Variants in ZFYVE26 observed in about 807,000 individuals in gnomAD.
The protein encoded by ZFYVE26 is zinc finger FYVE domain-containing protein 26.
Under a neutral mutation model 276.5 loss-of-function variants are expected in ZFYVE26, and 181 were observed. The observed-to-expected ratio is 0.65, with a 90% confidence interval of 0.58 to 0.74. ZFYVE26 has a LOEUF of 0.74. Ranked by LOEUF, ZFYVE26 falls within the 30% of genes least tolerant of loss-of-function variation. The pLI is 0.00. For missense variants in ZFYVE26, 2,821 were observed against 3,097.9 expected (o/e 0.91, Z 2.12); for synonymous variants, 1,129 against 1,203.1 (o/e 0.94, Z 1.27).
Position 67,809,238 on chromosome 14 carries a change from C to G in ZFYVE26, c.325G>C (p.Glu109Gln). 1 of 1,614,052 alleles carries G rather than the reference C, an allele frequency of 6.2e-7. No individual in the cohort carries two copies. Among genetic ancestry groups the G allele is most frequent in the South Asian group, 1.1e-5 (1 of 91,084 alleles). Residue 109 changes from glutamate (E) to glutamine (Q), a missense_variant, in exon 4 of 42, where the codon GAA (glutamate) becomes CAA (glutamine). Coordinates refer to ENST00000347230, the MANE Select transcript of ZFYVE26 (RefSeq NM_015346.4). ...TCTGGAATGTCACCTTGGAGGTCTTCTGACAATAAAAGAAACTCAAGCTTT... is the reference window on the plus strand; with the variant it reads ...TCTGGAATGTCACCTTGGAGGTCTTGTGACAATAAAAGAAACTCAAGCTTT... ...RRKLEFLLLS[E>Q]DLQGDIPENI...
chr14:67,729,300 G>A (rs1382935996), exon 14 of ZFYVE26: 1 of 1,602,526 alleles, frequency 6.2e-7, no homozygotes, highest in South Asian at 1.1e-5. Flanking sequence ...CCTTTGTCAA[G>A]ACGGCACGGG....
Position 67,783,330 on chromosome 14 carries a change from G to A in ZFYVE26, c.3822C>T (p.Ser1274=). ...CLDDLPLSTP[S]SPRTTENPTL... is the part of the protein sequence containing the mutation. The stretch of plus-strand genomic sequence containing the variant: ...TAGGGTTCTCAGTTGTCCTCGGGGA[G>A]CTCGGTGTAGAAAGTGGGAGGTCAT... Residue 1274 remains serine (S), a synonymous_variant, in exon 21 of 42, where the codon AGC becomes AGT. Transcript: ENST00000347230. 6.2e-7 allele frequency: 1 copy of A among 1,613,030 alleles called. No homozygotes were observed. Among genetic ancestry groups the A allele is most frequent in the Non-Finnish European group, 8.5e-7 (1 of 1,179,104 alleles).
In ZFYVE26 at chr14:67,804,128, G is replaced by T. The variant is rs368982781; in HGVS notation, c.1408C>A (p.Pro470Thr). 6.2e-7 allele frequency: 1 copy of T among 1,614,166 alleles called. No homozygotes were observed. Residue 470 changes from proline (P) to threonine (T), a missense_variant, in exon 9 of 42, where the codon CCA (proline) becomes ACA (threonine). By Grantham distance (38) the Pro-to-Thr change is conservative. Transcript: ENST00000347230. ...EDVLKLLQKV[P>T]AKDPQQEPDA... ...GGCTCTTGCTGGGGGTCCTTGGCTGGCACTTTCTGTAAGAGCTTGAGAACA... is the reference window on the plus strand; with the variant it reads ...GGCTCTTGCTGGGGGTCCTTGGCTGTCACTTTCTGTAAGAGCTTGAGAACA...
rs200721800 is a variant in ZFYVE26, at chr14:67,789,605, G to A, written c.2756-7C>T. Reference sequence around the variant, plus strand: ...ATAGAGTAAAACACCATTCCTGGCCGCCCAGCAGAGGAATAAAAAGCAAAG... The same window carrying A: ...ATAGAGTAAAACACCATTCCTGGCCACCCAGCAGAGGAATAAAAAGCAAAG... On this transcript the variant is annotated splice_polypyrimidine_tract_variant and splice_region_variant and intron_variant, in intron 15 of 41. Coordinates refer to ENST00000347230, the MANE Select transcript of ZFYVE26 (RefSeq NM_015346.4). 186 of 1,613,912 alleles carry A rather than the reference G, an allele frequency of 1.2e-4. No homozygotes were observed. Among genetic ancestry groups the A allele is most frequent in the Non-Finnish European group, 1.4e-4 (165 of 1,180,022 alleles).
intron 19 of ZFYVE26, 105 bp downstream of exon 19, chr14:67,784,954 G>T: frequency 8.6e-7 from 1 of 1,164,414 alleles, no homozygotes; most frequent in Non-Finnish European, 1.3e-6. Flanking sequence ...TAGTGTTCTT[G>T]GCTACTGCTG....
downstream of ZFYVE26, among the ~76,000 whole-genome samples, chr14:67,746,251 T>C: frequency 6.6e-6 from 1 of 152,116 alleles, no homozygotes; most frequent in African/African-American, 2.4e-5. Context: ...CACTTACCTT[T>C]TGCACCTTAT....
In ZFYVE26 at chr14:67,811,856, CAT is replaced by C. The variant is rs1370840677; in HGVS notation, c.273+2128_273+2129del. Among the ~76,000 whole-genome samples the C allele has an allele frequency of 1.0e-4, 15 of 145,666 alleles. No homozygotes were observed. The East Asian group carries it at 1.2e-3, about 12-fold the overall frequency. The stretch of plus-strand genomic sequence containing the variant: ...TACATATGAAATATATAATATATAA[CAT>C]ATATGAAATTTATGATATATAACAA... On this transcript the variant is annotated intron_variant, in intron 3 of 41. Coordinates refer to ENST00000347230, the MANE Select transcript of ZFYVE26 (RefSeq NM_015346.4).
chr14:67,743,931 T>C (rs1005741021), downstream of ZFYVE26, among the ~76,000 whole-genome samples: 5 of 151,920 alleles, frequency 3.3e-5, no homozygotes, highest in African/African-American at 1.2e-4. Context: ...GTAGAGGAGG[T>C]GCTGAAGGAA....
chr14:67,777,683 G>A lies in ZFYVE26; in HGVS notation c.4850C>T (p.Ser1617Phe), dbSNP rs1258708172. Residue 1617 changes from serine to phenylalanine, a missense_variant, in exon 25 of 42, where the codon TCC becomes TTC. Transcript: ENST00000347230. The stretch of plus-strand genomic sequence containing the variant: ...GGCCAAGCTAGTGTGCTGGTCGAGG[G>A]ATTGCTCTGTCACTTCAAGGCACAT... ...PTMCLEVTEQSLDQHTSLATS... is the reference protein window; with the variant it reads ...PTMCLEVTEQFLDQHTSLATS... 2 of 1,614,148 alleles carry A rather than the reference G, an allele frequency of 1.2e-6. No homozygotes were observed. Among genetic ancestry groups the A allele is most frequent in the East Asian group, 2.2e-5 (1 of 44,890 alleles).
chr14:67,788,713 C>G lies in ZFYVE26; in HGVS notation c.3019+622G>C, dbSNP rs544389751. On this transcript the variant is annotated intron_variant, in intron 16 of 41. Coordinates refer to ENST00000347230, the MANE Select transcript of ZFYVE26 (RefSeq NM_015346.4). ...GGGGTGGACTTGGGGACCCCAGACA[C>G]ATGGGGCTACTCATATCATAACCTA... Among the ~76,000 whole-genome samples, 8 of 152,322 alleles carry G rather than the reference C, an allele frequency of 5.3e-5. No homozygotes were observed. In the South Asian group the frequency reaches 1.2e-3, roughly 24 times the overall value.
At chr14:67,795,746 G>A (rs1304917047) in intron 12 of ZFYVE26, among the ~76,000 whole-genome samples, 2 of 151,928 alleles carry the variant, frequency 1.3e-5, no homozygotes, top group African/African-American at 4.8e-5. Context: ...GCCTATAAGT[G>A]GAATCAAAAG....
chr14:67,797,652 G>A lies in ZFYVE26; in HGVS notation c.2332+20C>T. 1.2e-6 allele frequency: 2 copies of A among 1,613,244 alleles called. No homozygotes were observed. The highest frequency in any genetic ancestry group is 1.7e-6 in the Non-Finnish European group (2 of 1,179,576). The stretch of plus-strand genomic sequence containing the variant: ...ATTACACCACTTGCCTAGTGCATGG[G>A]AATGAGCTCTTCAGATTACCTGCCT... On this transcript the variant is annotated intron_variant, in intron 12 of 41. Coordinates refer to ENST00000347230, the MANE Select transcript of ZFYVE26 (RefSeq NM_015346.4).
intron 22 of ZFYVE26, 22 bp from the exon 23 acceptor site, chr14:67,780,367 C>A: frequency 2.5e-6 from 4 of 1,599,068 alleles, no homozygotes; most frequent in Non-Finnish European, 3.4e-6. Context: ...CAAGAAAATC[C>A]GTCAAACCAC....
At chr14:67,729,971 G>C (rs1309781510) in intron 13 of ZFYVE26, among the ~76,000 whole-genome samples, 1 of 152,146 alleles carries the variant, frequency 6.6e-6, no homozygotes, top group Admixed American at 6.5e-5. Context: ...GTCCCGCTTT[G>C]TTCAAGGCTT....
Position 67,785,952 on chromosome 14 carries a change from G to C in ZFYVE26, c.3210C>G (p.Pro1070=), listed in dbSNP as rs7156492. Residue 1070 remains proline, a synonymous_variant, in exon 18 of 42, where the codon CCC becomes CCG. Coordinates refer to ENST00000347230, the MANE Select transcript of ZFYVE26 (RefSeq NM_015346.4). ...TGGCAACACAGTCCTCGCTTAGGCTGGGCCAGCACATCTGAAGCAGTTCAG... is the reference window on the plus strand; with the variant it reads ...TGGCAACACAGTCCTCGCTTAGGCTCGGCCAGCACATCTGAAGCAGTTCAG... The part of the protein sequence containing the change: ...SITELLQMCW[P]SLSEDCVASH... 0.022 allele frequency: 35,421 copies of C among 1,614,134 alleles called. 844 individuals are homozygous for C. The highest frequency in any genetic ancestry group is 0.12 in the African/African-American group (9,004 of 75,006).
rs1280690935 is a variant in ZFYVE26 at position 67,809,673 on chromosome 14, C to T, written c.274-384G>A. ...CTGACCTCAAGTGTTCCACTCACCTCGGCCTCCCAAAGTGCTGGGATTACA... is the reference window on the plus strand; with the variant it reads ...CTGACCTCAAGTGTTCCACTCACCTTGGCCTCCCAAAGTGCTGGGATTACA... On this transcript the variant is annotated intron_variant, in intron 3 of 41. Coordinates refer to ENST00000347230, the MANE Select transcript of ZFYVE26 (RefSeq NM_015346.4). Among the ~76,000 whole-genome samples, 5 of 152,094 alleles carry T rather than the reference C, an allele frequency of 3.3e-5. No homozygotes were observed. In the East Asian group the frequency reaches 7.7e-4, roughly 23 times the overall value.
intron 3 of ZFYVE26, 136 bp from the exon 4 acceptor site, chr14:67,809,425 T>TA (rs2040250897): frequency 1.0e-5 from 6 of 579,272 alleles, no homozygotes; most frequent in South Asian, 2.2e-5. Context: ...TTTTTTTTTT[T>TA]TTTTTTTTTT....
In ZFYVE26 at chr14:67,798,417, G is replaced by C. The variant is rs868447471; in HGVS notation, c.1845C>G (p.Ser615=). Residue 615 remains serine (S), a synonymous_variant, in exon 11 of 42, where the codon TCC becomes TCG. Coordinates refer to ENST00000347230, the MANE Select transcript of ZFYVE26 (RefSeq NM_015346.4). ...CTATGTGCTGAGGGCTCTCTGATGG[G>C]GACCTCAAACCTGAGGGGCTCTTCC... ...IEGKSPSGLR[S]PSESPQHIAH... The C allele has an allele frequency of 6.2e-7, 1 of 1,613,498 alleles. No homozygotes were observed. The highest frequency in any genetic ancestry group is 8.5e-7 in the Non-Finnish European group (1 of 1,179,544).
Position 67,807,449 on chromosome 14 carries a change from A to C in ZFYVE26, c.835T>G (p.Tyr279Asp). 6.2e-7 allele frequency: 1 copy of C among 1,614,154 alleles called. No homozygotes were observed. Among genetic ancestry groups the C allele is most frequent in the Non-Finnish European group, 8.5e-7 (1 of 1,180,006 alleles). Residue 279 changes from tyrosine to aspartate, a missense_variant, in exon 5 of 42, where the codon TAT (tyrosine) becomes GAT (aspartate). Physicochemically the swap from Tyr to Asp is radical, Grantham distance 160. Transcript: ENST00000347230. ...GGCTTTTCTGTGACCTTCTCTGCAT[A>C]GGTATGGCCATACAGGGACAGCAGG... ...RGLLSLYGHT[Y>D]AEKVTEKPPR...
Sources: gnomAD v4.1 joint callset for allele counts (sites outside exome capture counted in the v4.1 genomes callset) on GRCh38, gnomAD v4.1.1 for gene constraint, MANE v1.5 for transcripts, NCBI Gene and HGNC (gene_info 2026-07-23, HGNC 2026-07-21) for gene names.